The following DMRT2 variants were observed in gnomAD, a reference collection of about 807,000 sequenced individuals.
DMRT2 encodes doublesex- and mab-3-related transcription factor 2.
A neutral mutation model predicts 43.5 loss-of-function variants in DMRT2; 33 were observed. The ratio of observed to expected loss-of-function variants is 0.76; its 90% CI spans 0.58 to 1.01. The LOEUF (loss-of-function observed/expected upper bound fraction) is 1.01, where lower values mean the gene tolerates loss of function less well. Among genes scored for constraint, DMRT2 ranks in the 50% least tolerant of loss-of-function variants. The pLI is 0.00. For missense variants in DMRT2, 1,064 were observed against 748.0 expected, an observed-to-expected ratio of 1.42 and a Z score of -4.93; for synonymous variants, 395 against 309.2, an observed-to-expected ratio of 1.28 and a Z score of -2.91.
Position 1,057,248 on chromosome 9 carries a change from C to A in DMRT2, c.1661C>A (p.Ser554Tyr). ...GAGTCTATTCTTAAGAGGCCTTCAT[C>A]TGCCATCACTCGTGTCTCTCAGTGA... ...SVESILKRPS[S>Y]AITRVSQ Residue 554 changes from serine (S) to tyrosine (Y), a missense_variant, in exon 4 of 4, where the codon TCT becomes TAT. Coordinates refer to ENST00000358146, the MANE Select transcript of DMRT2 (RefSeq NM_181872.6). 6.2e-7 allele frequency: 1 copy of A among 1,611,836 alleles called. No individual in the cohort carries two copies.
At chr9:1,054,664 T>C (rs371503856) in intron 3 of DMRT2, 1 of 152,146 alleles carries the variant, frequency 6.6e-6, no homozygotes, top group African/African-American at 2.4e-5. Context: ...GTATGGAATT[T>C]ATTTATTGAC....
At position 1,056,479 on chromosome 9, in the gene DMRT2, G is replaced by A; in HGVS notation, c.892G>A (p.Asp298Asn). ...CAGCCCAGTGGAACCACCAAGCAAG[G>A]ACTTCTGTAATTTTTTGCCCACCTG... is the stretch of plus-strand genomic sequence containing the variant. ...SPSPVEPPSK[D>N]FCNFLPTCLD... is the part of the protein sequence containing the mutation. Residue 298 changes from aspartate to asparagine, a missense_variant, in exon 4 of 4, where the codon GAC becomes AAC. Asp to Asn is a conservative substitution (Grantham distance 23, BLOSUM62 1). Transcript: ENST00000358146. The A allele has an allele frequency of 6.2e-7, 1 of 1,614,168 alleles. No individual in the cohort carries two copies.
chr9:1,053,707 T>C lies in DMRT2; in HGVS notation c.526-15T>C. ...TCTTTCAGGGCATTATTGATGATGT[T>C]TCTTGTGTTTACAGGACAAGAAGGG... On this transcript the variant is annotated splice_polypyrimidine_tract_variant and intron_variant, in intron 2 of 3. Transcript: ENST00000358146. The C allele has an allele frequency of 6.2e-7, 1 of 1,607,176 alleles. No homozygotes were observed. The highest frequency in any genetic ancestry group is 8.5e-7 in the Non-Finnish European group (1 of 1,176,012).
chr9:1,054,242 A>G (rs1821814640), intron 3 of DMRT2, among the ~76,000 whole-genome samples: 1 of 152,240 alleles, frequency 6.6e-6, no homozygotes, highest in African/African-American at 2.4e-5. Flanking sequence ...TTGGAAGGAA[A>G]TAAATAACTT....
Position 1,051,949 on chromosome 9 carries a change from G to C in DMRT2, c.336G>C (p.Ala112=), listed in dbSNP as rs898878773. 3 of 1,375,836 alleles carry C rather than the reference G, an allele frequency of 2.2e-6. No homozygotes were observed. The highest frequency in any genetic ancestry group is 2.8e-6 in the Non-Finnish European group (3 of 1,072,494). 85.2% of individuals were successfully genotyped at this position (1,375,836 alleles called of 1,614,324 possible). A position where few individuals can be genotyped will look rare whatever the true frequency, so the allele number is the denominator to read the frequency against. The change falls in exon 2 of 4, where the codon GCG becomes GCC. Residue 112 remains alanine (A), a synonymous_variant. Transcript: ENST00000358146. This position sits in a 1 kb window ranked among gnomAD's most constrained non-coding sequence, Gnocchi z 5.9. ...GCTGCACTCCCGCGGGCGGCGGCGC[G>C]GAGCCGCGCAAGCTGAGCCGCACGC... ...RERCTPAGGG[A]EPRKLSRTPK... is the part of the protein sequence containing the mutation.
intron 2 of DMRT2, 57 bp from the exon 3 acceptor site, chr9:1,053,665 C>G (rs2275517): frequency 2.1e-6 from 3 of 1,446,670 alleles, no homozygotes; most frequent in Non-Finnish European, 2.9e-6. Context: ...CGTCCTTCCC[C>G]CTTCTCGCCC....
Position 1,051,639 on chromosome 9 carries a change from C to A in DMRT2, c.26C>A (p.Ala9Glu). The change falls in exon 2 of 4, where the codon GCG becomes GAG. Residue 9 changes from alanine to glutamate, a missense_variant. Ala to Glu is a moderately radical substitution (Grantham distance 107). Transcript: ENST00000358146. The surrounding 1 kb of genome is among the most constrained non-coding windows in gnomAD (Gnocchi z 5.9). Reference sequence around the variant, plus strand: ...ATGGCCGACCCGCAGGCTGGCTCCGCGGCCGGGGACTGGGAGATCGATGTC... The same window carrying A: ...ATGGCCGACCCGCAGGCTGGCTCCGAGGCCGGGGACTGGGAGATCGATGTC... MADPQAGS[A>E]AGDWEIDVES... 1 of 1,564,338 alleles carries A rather than the reference C, an allele frequency of 6.4e-7. No individual in the cohort carries two copies.
Position 1,056,363 on chromosome 9 carries a change from T to A in DMRT2, c.776T>A (p.Met259Lys). The part of the protein sequence containing the change: ...MLEREYKERE[M>K]LETSQAAALF... ...GAGAGAGAATATAAAGAAAGGGAGA[T>A]GTTGGAAACTTCTCAAGCTGCTGCT... The change falls in exon 4 of 4, where the codon ATG becomes AAG. Residue 259 changes from methionine (M) to lysine (K), a missense_variant. Met to Lys is a moderately conservative substitution (Grantham distance 95, BLOSUM62 -1). Transcript: ENST00000358146. 3.1e-6 allele frequency: 5 copies of A among 1,614,190 alleles called. No homozygotes were observed. Among genetic ancestry groups the A allele is most frequent in the Non-Finnish European group, 2.5e-6 (3 of 1,180,040 alleles).
rs997159018 is a variant in DMRT2 at position 1,051,871 on chromosome 9, G to A, written c.258G>A (p.Pro86=). 1.4e-6 allele frequency: 2 copies of A among 1,383,152 alleles called. No individual in the cohort carries two copies. Among genetic ancestry groups the A allele is most frequent in the African/African-American group, 1.5e-5 (1 of 65,110 alleles). 85.7% of individuals were successfully genotyped at this position (1,383,152 alleles called of 1,614,324 possible). The change falls in exon 2 of 4, where the codon CCG becomes CCA. Residue 86 remains proline (P), a synonymous_variant. Coordinates refer to ENST00000358146, the MANE Select transcript of DMRT2 (RefSeq NM_181872.6). This position sits in a 1 kb window ranked among gnomAD's most constrained non-coding sequence, Gnocchi z 5.9. ...GQPEQRGGPQ[P]RPPLAPQASP... The stretch of plus-strand genomic sequence containing the variant: ...CGGAGCAGCGGGGGGGACCGCAGCC[G>A]AGGCCGCCGCTCGCGCCTCAGGCCT...
At position 1,052,155 on chromosome 9, in the gene DMRT2, C is replaced by T; in HGVS notation, c.525+17C>T. On this transcript the variant is annotated intron_variant, in intron 2 of 3. Coordinates refer to ENST00000358146, the MANE Select transcript of DMRT2 (RefSeq NM_181872.6). The stretch of plus-strand genomic sequence containing the variant: ...GCCACCGAGGTGCGTACCCGCCCGG[C>T]CCGGGCGTCTCAGGCCACAGTGGAG... 2.9e-6 allele frequency: 4 copies of T among 1,362,160 alleles called. No individual in the cohort carries two copies. Among genetic ancestry groups the T allele is most frequent in the Admixed American group, 3.8e-5 (1 of 26,454 alleles). The allele number at this position is 1,362,160 out of a possible 1,614,324, so 84.4% of individuals were successfully genotyped here. A position where few individuals can be genotyped will look rare whatever the true frequency, so the allele number is the denominator to read the frequency against.
chr9:1,053,669 C>T, intron 2 of DMRT2, 53 bp from the exon 3 acceptor site: 1 of 1,492,670 alleles, frequency 6.7e-7, no homozygotes, highest in East Asian at 2.3e-5. Context: ...CTTCCCCCTT[C>T]TCGCCCCCAT....
chr9:1,055,800 G>A, intron 3 of DMRT2: 1 of 1,505,370 alleles, frequency 6.6e-7, no homozygotes, highest in Non-Finnish European at 8.9e-7. Context: ...TCAGCTCTAG[G>A]TATAGATATA....
In DMRT2 at chr9:1,053,708, T is replaced by A; in HGVS notation, c.526-14T>A. On this transcript the variant is annotated splice_polypyrimidine_tract_variant and intron_variant, in intron 2 of 3. Transcript: ENST00000358146. ...CTTTCAGGGCATTATTGATGATGTTTCTTGTGTTTACAGGACAAGAAGGGG... is the reference window on the plus strand; with the variant it reads ...CTTTCAGGGCATTATTGATGATGTTACTTGTGTTTACAGGACAAGAAGGGG... The A allele has an allele frequency of 1.2e-6, 2 of 1,607,052 alleles. No homozygotes were observed. Among genetic ancestry groups the A allele is most frequent in the Non-Finnish European group, 1.7e-6 (2 of 1,175,930 alleles).
Position 1,051,445 on chromosome 9 carries a change from C to A in DMRT2, c.-44-125C>A. 2 of 1,129,602 alleles carry A rather than the reference C, an allele frequency of 1.8e-6. No individual in the cohort carries two copies. Among genetic ancestry groups the A allele is most frequent in the Non-Finnish European group, 2.3e-6 (2 of 852,868 alleles). The allele number at this position is 1,129,602 out of a possible 1,614,324, so 70.0% of individuals were successfully genotyped here. On this transcript the variant is annotated intron_variant, in intron 1 of 3. Transcript: ENST00000358146. This position sits in a 1 kb window ranked among gnomAD's most constrained non-coding sequence, Gnocchi z 5.9. ...GCACGTGTGGCCTGGAAGTGAGGGA[C>A]ATGTAATGAGAACAGGATGACTCAA...
Position 1,057,264 on chromosome 9 carries a change from C to T in DMRT2, c.1677C>T (p.Val559=). The T allele has an allele frequency of 6.2e-7, 1 of 1,608,288 alleles. No individual in the cohort carries two copies. Among genetic ancestry groups the T allele is most frequent in the Non-Finnish European group, 8.5e-7 (1 of 1,177,764 alleles). The change falls in exon 4 of 4, where the codon GTC becomes GTT. Residue 559 remains valine (V), a synonymous_variant. Transcript: ENST00000358146. ...LKRPSSAITR[V]SQ ...GGCCTTCATCTGCCATCACTCGTGT[C>T]TCTCAGTGAAAGGCTGCTTAAACAG... is the stretch of plus-strand genomic sequence containing the variant.
intron 2 of DMRT2, 111 bp from the exon 3 acceptor site, chr9:1,053,611 T>C (rs1222514955): frequency 1.1e-6 from 1 of 923,090 alleles, no homozygotes; most frequent in Non-Finnish European, 1.7e-6. Flanking sequence ...GAAAATTCAA[T>C]ACATTTAGAA....
chr9:1,054,408 CTTTT>C (rs34422902), intron 3 of DMRT2, among the ~76,000 whole-genome samples: 1 of 138,126 alleles, frequency 7.2e-6, no homozygotes. Context: ...TTTCATTGTA[CTTTT>C]TTTTTTTTTT....
chr9:1,053,187 G>C (rs920490121), intron 2 of DMRT2: 8 of 152,532 alleles, frequency 5.2e-5, no homozygotes, highest in African/African-American at 1.9e-4. Flanking sequence ...GTGGGTGTCC[G>C]CAAAGCGCAA....
chr9:1,056,191 C>T (rs779477815), intron 3 of DMRT2, 25 bp from the exon 4 acceptor site: 1 of 1,574,202 alleles, frequency 6.4e-7, no homozygotes, highest in Non-Finnish European at 8.6e-7. Flanking sequence ...TAATCTCTTT[C>T]ATGTGCAATC....
Sources: allele counts gnomAD v4.1 joint callset (sites outside exome capture counted in the v4.1 genomes callset), GRCh38; gene constraint gnomAD v4.1.1; non-coding constraint Gnocchi (gnomAD v3.1); transcripts MANE v1.5; gene names NCBI Gene and HGNC (gene_info 2026-07-23, HGNC 2026-07-21).